The following ZBED6 variants were observed in gnomAD, a reference collection of about 807,000 sequenced individuals.
ZBED6 encodes the protein zinc finger BED domain-containing protein 6.
A neutral mutation model predicts 58.4 loss-of-function variants in ZBED6; 40 were observed. The observed-to-expected ratio is 0.68, with a 90% CI of 0.53 to 0.89. ZBED6 has a LOEUF of 0.89. Among genes scored for constraint, ZBED6 ranks in the 40% least tolerant of loss-of-function variants. The pLI, the probability that ZBED6 is intolerant of heterozygous loss-of-function variation, is 0.00. For missense variants in ZBED6, 1,057 were observed against 1,003.9 expected, an observed-to-expected ratio of 1.05 and a Z score of -0.71; for synonymous variants, 439 against 350.6, an observed-to-expected ratio of 1.25 and a Z score of -2.82.
intron 1 of ZBED6, among the ~76,000 whole-genome samples, chr1:203,807,416 G>A (rs536477486): frequency 6.6e-6 from 1 of 152,250 alleles, no homozygotes; most frequent in Admixed American, 6.5e-5. Flanking sequence ...CCCCTGAGTA[G>A]CTGGGATTAC....
In ZBED6 at chr1:203,810,699, G is replaced by A. The variant is rs573077461; in HGVS notation, c.*2555-6227G>A. On this transcript the variant is annotated intron_variant, in intron 1 of 16. Transcript: ENST00000550078. ...CTCCCAAAATGCTGGGAATACAGGC[G>A]TGAGCCACCGCGCCCGGCCAGCTCT... Among the ~76,000 whole-genome samples the A allele has an allele frequency of 3.3e-5, 5 of 152,222 alleles. No homozygotes were observed. The South Asian group carries it at 1.0e-3, about 32-fold the overall frequency.
chr1:203,807,993 C>T (rs944160200), intron 1 of ZBED6, among the ~76,000 whole-genome samples: 1 of 152,118 alleles, frequency 6.6e-6, no homozygotes, highest in Non-Finnish European at 1.5e-5. Flanking sequence ...CCTCCTGTCT[C>T]GGCCTCTCAA....
chr1:203,815,160 G>T (rs1572038171), intron 1 of ZBED6, among the ~76,000 whole-genome samples: 1 of 144,632 alleles, frequency 6.9e-6, no homozygotes, highest in Non-Finnish European at 1.5e-5. Flanking sequence ...ATAGTCTCCA[G>T]TTTTTGAACA....
intron 1 of ZBED6, among the ~76,000 whole-genome samples, chr1:203,808,048 G>GT (rs1046254277): frequency 2.0e-5 from 3 of 151,334 alleles, no homozygotes; most frequent in African/African-American, 4.9e-5. Flanking sequence ...GGCCTGTTTT[G>GT]TTTTTTTTCT....
chr1:203,799,718 C>A (rs1301296745), exon 1 of ZBED6: 4 of 732,002 alleles, frequency 5.5e-6, no homozygotes, highest in Non-Finnish European at 9.7e-6. Context: ...ATTTTCAAGT[C>A]AGAGGTATTA....
chr1:203,832,042 G>A (rs556575969), intron 8 of ZBED6, among the ~76,000 whole-genome samples: 1 of 152,166 alleles, frequency 6.6e-6, no homozygotes, highest in Non-Finnish European at 1.5e-5. Flanking sequence ...AAGAATAATA[G>A]GTATATATAA....
intron 9 of ZBED6, among the ~76,000 whole-genome samples, chr1:203,834,258 A>G (rs970561696): frequency 1.3e-5 from 2 of 152,142 alleles, no homozygotes; most frequent in Admixed American, 1.3e-4. Flanking sequence ...CCTTGAGTCT[A>G]TTGGTGCTTG....
intron 7 of ZBED6, 114 bp from the exon 8 acceptor site, chr1:203,831,547 T>G (rs61827268): frequency 1.3e-6 from 1 of 787,314 alleles, no homozygotes. Flanking sequence ...GATTGGCTTA[T>G]AGTCATAATA....
At position 203,843,569 on chromosome 1, in the gene ZBED6, T is replaced by G. The variant is rs1687071360; in HGVS notation, c.*3741+3195T>G. On this transcript the variant is annotated intron_variant, in intron 11 of 16. Transcript: ENST00000550078. The stretch of plus-strand genomic sequence containing the variant: ...TAAATAACTTTGCAGTCCACAGTAT[T>G]GCAGCTACCCCACTCTGCCATTGTA... Among the ~76,000 whole-genome samples the G allele has an allele frequency of 2.0e-5, 3 of 152,212 alleles. No individual in the cohort carries two copies. The South Asian group carries it at 6.2e-4, about 32-fold the overall frequency.
intron 11 of ZBED6, among the ~76,000 whole-genome samples, chr1:203,841,568 C>CAGT (rs1261288121): frequency 8.5e-5 from 13 of 152,358 alleles, no homozygotes; most frequent in African/African-American, 3.1e-4. Flanking sequence ...TACACAGACA[C>CAGT]AGTAACAATC....
intron 1 of ZBED6, among the ~76,000 whole-genome samples, chr1:203,816,139 G>C (rs933869842): frequency 3.9e-5 from 6 of 152,052 alleles, no homozygotes; most frequent in African/African-American, 1.4e-4. Context: ...TATACTTTTG[G>C]AATAAAAATG....
intron 2 of ZBED6, 97 bp from the exon 3 acceptor site, chr1:203,818,473 A>T: frequency 2.0e-6 from 3 of 1,531,496 alleles, no homozygotes; most frequent in Non-Finnish European, 2.7e-6. Flanking sequence ...TTTCTTACTC[A>T]TTTGTGCTTG....
intron 1 of ZBED6, among the ~76,000 whole-genome samples, chr1:203,811,390 A>G (rs758566161): frequency 1.3e-5 from 2 of 152,202 alleles, no homozygotes; most frequent in South Asian, 2.1e-4. Flanking sequence ...CATAGCTACC[A>G]TTTCATTGTT....
chr1:203,842,439 C>T (rs1366395652), intron 11 of ZBED6, among the ~76,000 whole-genome samples: 1 of 152,138 alleles, frequency 6.6e-6, no homozygotes, highest in African/African-American at 2.4e-5. Context: ...TCCACCAAAA[C>T]ATGCAAACAC....
rs972097111 is a variant in ZBED6, at chr1:203,797,344, C to T, written c.-179C>T. 4 of 557,746 alleles carry T rather than the reference C, an allele frequency of 7.2e-6. No homozygotes were observed. In the Admixed American group the frequency reaches 1.5e-4, roughly 21 times the overall value. 34.5% of individuals were successfully genotyped at this position (557,746 alleles called of 1,614,324 possible). A position where few individuals can be genotyped will look rare whatever the true frequency, so the allele number is the denominator to read the frequency against. ...TAAGAAAGAGTTCGGGAATGTTCTC[C>T]ATTGCTGTCAGTTTTCCTCCAAAAA... is the stretch of plus-strand genomic sequence containing the variant. On this transcript the variant is annotated 5_prime_UTR_variant, in exon 1 of 17. Transcript: ENST00000550078.
Position 203,847,171 on chromosome 1 carries a change from C to A in ZBED6, c.*3742-13C>A. Reference sequence around the variant, plus strand: ...TTCAAGTATAATGACATGTTTTTCTCCTGTGAAAACAGATAAAGTTAATAA... The same window carrying A: ...TTCAAGTATAATGACATGTTTTTCTACTGTGAAAACAGATAAAGTTAATAA... On this transcript the variant is annotated splice_polypyrimidine_tract_variant and intron_variant, in intron 11 of 16. Transcript: ENST00000550078. The A allele has an allele frequency of 6.2e-7, 1 of 1,610,280 alleles. No individual in the cohort carries two copies.
chr1:203,796,287 C>T (rs1668473021), exon 1 of ZBED6: 5 of 397,156 alleles, frequency 1.3e-5, no homozygotes, highest in Non-Finnish European at 4.4e-6. Context: ...TCTCATTCCT[C>T]TCCAGGGTCC....
chr1:203,829,172 G>C (rs1298445451), intron 4 of ZBED6: 1 of 446,736 alleles, frequency 2.2e-6, no homozygotes, highest in African/African-American at 2.0e-5. Context: ...TAAAATTAAA[G>C]GTCTAGAATT....
intron 11 of ZBED6, among the ~76,000 whole-genome samples, chr1:203,844,362 G>A (rs1305180849): frequency 1.3e-4 from 19 of 151,478 alleles, no homozygotes; most frequent in Admixed American, 9.2e-4. Context: ...GTTTCACCCT[G>A]TTGGCCAGGC....
Sources: allele counts gnomAD v4.1 joint callset (sites outside exome capture counted in the v4.1 genomes callset), GRCh38; gene constraint gnomAD v4.1.1; transcripts MANE v1.5; gene names NCBI Gene and HGNC (gene_info 2026-07-23, HGNC 2026-07-21).